Variants in MRPS28 observed in about 807,000 individuals in gnomAD.
MRPS28 encodes small ribosomal subunit protein bS1m.
A neutral mutation model predicts 10.8 loss-of-function variants in MRPS28; 7 were observed. The ratio of observed to expected loss-of-function variants is 0.65; its 90% CI spans 0.37 to 1.22. MRPS28 has a LOEUF of 1.22. Among genes scored for constraint, MRPS28 ranks in the 50% most tolerant of loss-of-function variants. MRPS28 has a pLI of 0.02. For missense variants in MRPS28, 265 were observed against 232.9 expected (o/e 1.14, Z -0.90); for synonymous variants, 121 against 93.3 (o/e 1.30, Z -1.71).
intron 2 of MRPS28, among the ~76,000 whole-genome samples, chr8:79,947,629 G>GTTTTTTT (rs767221360): frequency 1.5e-4 from 16 of 109,230 alleles, no homozygotes; most frequent in African/African-American, 3.1e-4. Flanking sequence ...AATATATTAA[G>GTTTTTTT]TTTTTTTTTT....
chr8:79,940,379 G>A (rs1806734589), intron 2 of MRPS28, among the ~76,000 whole-genome samples: 1 of 152,192 alleles, frequency 6.6e-6, no homozygotes. Flanking sequence ...TGCGAGTGAA[G>A]TGAACTCCTT....
At chr8:79,979,933 A>G (rs894543920) in intron 2 of MRPS28, among the ~76,000 whole-genome samples, 3 of 147,356 alleles carry the variant, frequency 2.0e-5, no homozygotes, top group African/African-American at 7.5e-5. Context: ...AAAAAAAAAA[A>G]AAAAAAAAAA....
chr8:79,994,707 A>C (rs1235728213), intron 2 of MRPS28, among the ~76,000 whole-genome samples: 1 of 152,118 alleles, frequency 6.6e-6, no homozygotes, highest in African/African-American at 2.4e-5. Context: ...CTGAAACACA[A>C]AGTTGACCCA....
intron 2 of MRPS28, among the ~76,000 whole-genome samples, chr8:79,966,852 T>C (rs1196740830): frequency 2.0e-5 from 3 of 152,182 alleles, no homozygotes; most frequent in African/African-American, 7.2e-5. Flanking sequence ...TCTATCTCAC[T>C]TTATACTTAT....
At chr8:79,923,547 T>A (rs1306883993) in intron 2 of MRPS28, among the ~76,000 whole-genome samples, 2 of 152,192 alleles carry the variant, frequency 1.3e-5, no homozygotes, top group African/African-American at 2.4e-5. Flanking sequence ...ACATTTTTTT[T>A]AATTGGGGAA....
intron 2 of MRPS28, among the ~76,000 whole-genome samples, chr8:79,921,907 T>C (rs566785585): frequency 3.5e-4 from 53 of 152,352 alleles, no homozygotes; most frequent in Middle Eastern, 3.4e-3. Flanking sequence ...CAGTATGATA[T>C]TGGCTGTGGG....
chr8:79,980,100 T>C (rs1807915703), intron 2 of MRPS28, among the ~76,000 whole-genome samples: 1 of 152,258 alleles, frequency 6.6e-6, no homozygotes, highest in South Asian at 2.1e-4. Flanking sequence ...ATAGTATCTG[T>C]CTGACACATA....
chr8:79,919,998 T>A (rs1227964783), intron 2 of MRPS28, among the ~76,000 whole-genome samples: 11 of 135,838 alleles, frequency 8.1e-5, no homozygotes, highest in South Asian at 2.3e-4. Flanking sequence ...TGTCCATGTG[T>A]TCTCATTGTT....
chr8:79,933,215 T>C (rs2129903947), intron 2 of MRPS28, among the ~76,000 whole-genome samples: 2 of 152,328 alleles, frequency 1.3e-5, no homozygotes, highest in South Asian at 4.1e-4. Flanking sequence ...AGGCTGAAAG[T>C]CCAAGATCAA....
intron 1 of MRPS28, among the ~76,000 whole-genome samples, chr8:80,016,049 G>A (rs1221075811): frequency 6.6e-6 from 1 of 152,036 alleles, no homozygotes; most frequent in Non-Finnish European, 1.5e-5. Flanking sequence ...AGAACTTTGG[G>A]ACAACTACAA....
intron 2 of MRPS28, among the ~76,000 whole-genome samples, chr8:79,919,955 A>AAC (rs1810037870): frequency 1.4e-5 from 1 of 69,428 alleles, no homozygotes; most frequent in Admixed American, 2.1e-4. Flanking sequence ...CCCACCCCAT[A>AAC]ACAGGCCCCG....
At chr8:80,026,569 A>G (rs542123851) in intron 1 of MRPS28, among the ~76,000 whole-genome samples, 2 of 152,360 alleles carry the variant, frequency 1.3e-5, no homozygotes, top group Non-Finnish European at 2.9e-5. Context: ...ACTATGGGTC[A>G]AGGACTGTGC....
chr8:80,018,480 A>C (rs1809263501), intron 1 of MRPS28, among the ~76,000 whole-genome samples: 1 of 152,198 alleles, frequency 6.6e-6, no homozygotes, highest in South Asian at 2.1e-4. Flanking sequence ...AAAGACCAGC[A>C]GTAATACATG....
At chr8:79,944,206 G>A (rs1427889359) in intron 2 of MRPS28, among the ~76,000 whole-genome samples, 3 of 152,220 alleles carry the variant, frequency 2.0e-5, no homozygotes, top group African/African-American at 7.2e-5. Flanking sequence ...AGAATGCAGT[G>A]GAGCATGGAT....
At chr8:79,928,859 C>A (rs1216223178) in intron 2 of MRPS28, among the ~76,000 whole-genome samples, 2 of 151,798 alleles carry the variant, frequency 1.3e-5, no homozygotes, top group Admixed American at 6.6e-5. Flanking sequence ...GCCTGGCCAA[C>A]ACATAGTGAA....
intron 2 of MRPS28, among the ~76,000 whole-genome samples, chr8:79,949,883 C>T (rs1005742486): frequency 2.0e-5 from 3 of 152,122 alleles, no homozygotes; most frequent in Non-Finnish European, 4.4e-5. Flanking sequence ...TCCCTTTCCT[C>T]AACTCCAACA....
intron 2 of MRPS28, among the ~76,000 whole-genome samples, chr8:79,978,065 A>G (rs950899282): frequency 3.3e-5 from 5 of 152,166 alleles, no homozygotes; most frequent in Admixed American, 3.3e-4. Flanking sequence ...AGTTAAAAAG[A>G]CATGCTTTGG....
intron 2 of MRPS28, among the ~76,000 whole-genome samples, chr8:79,979,278 A>G (rs996374097): frequency 1.3e-5 from 2 of 152,278 alleles, no homozygotes; most frequent in South Asian, 2.1e-4. Flanking sequence ...GTGGGAGCTC[A>G]GGCACAGCAG....
At chr8:79,948,593 T>A (rs746611973) in intron 2 of MRPS28, among the ~76,000 whole-genome samples, 7 of 152,364 alleles carry the variant, frequency 4.6e-5, no homozygotes, top group Non-Finnish European at 8.8e-5. Context: ...AGTTTGATGT[T>A]AATTTTAAGT....
Sources: gnomAD v4.1 joint callset for allele counts (sites outside exome capture counted in the v4.1 genomes callset) on GRCh38, gnomAD v4.1.1 for gene constraint, MANE v1.5 for transcripts, NCBI Gene and HGNC (gene_info 2026-07-23, HGNC 2026-07-21) for gene names.